ADGRL3: variants seen among roughly 807,000 people sequenced by gnomAD.
ADGRL3 encodes the protein calcium-independent alpha-latrotoxin receptor 3.
ADGRL3 carries 62 observed loss-of-function variants against 153.5 expected under a neutral mutation model. That is an observed-to-expected ratio of 0.40 (90% CI 0.33 to 0.50). ADGRL3 has a LOEUF of 0.50. ADGRL3 is among the 20% of genes least tolerant of loss of function. The pLI is 0.47. For synonymous variants in ADGRL3, 710 were observed against 672.5 expected (o/e 1.06, Z -0.86); for missense variants, 1,641 against 1,859.4 (o/e 0.88, Z 2.16).
chr4:61,776,013 G>C (rs975559884), intron 8 of ADGRL3, among the ~76,000 whole-genome samples: 1 of 152,046 alleles, frequency 6.6e-6, no homozygotes, highest in Non-Finnish European at 1.5e-5. Context: ...CCATTCTCCT[G>C]TCTCGGCCTC....
intron 2 of ADGRL3, among the ~76,000 whole-genome samples, chr4:61,432,879 C>G (rs193142314): frequency 1.3e-5 from 2 of 151,634 alleles, no homozygotes; most frequent in Non-Finnish European, 2.9e-5. Context: ...TCTTGAACTC[C>G]TGACCTCAGT....
intron 5 of ADGRL3, among the ~76,000 whole-genome samples, chr4:61,608,572 T>A (rs1435116134): frequency 6.6e-6 from 1 of 152,220 alleles, no homozygotes; most frequent in Non-Finnish European, 1.5e-5. Context: ...TATTTTATTA[T>A]TTATTTGGCT....
At chr4:61,340,901 C>A (rs1392794373) in intron 1 of ADGRL3, among the ~76,000 whole-genome samples, 1 of 151,600 alleles carries the variant, frequency 6.6e-6, no homozygotes, top group Non-Finnish European at 1.5e-5. Context: ...TTTTTCCATT[C>A]ATCATTCAAA....
chr4:61,288,822 G>T (rs187669927), intron 1 of ADGRL3, among the ~76,000 whole-genome samples: 115 of 152,030 alleles, frequency 7.6e-4, no homozygotes, highest in Non-Finnish European at 1.2e-3. Context: ...CTCTGGTTTA[G>T]TTCTTGAGCT....
intron 2 of ADGRL3, among the ~76,000 whole-genome samples, chr4:61,447,687 A>C (rs2152500907): frequency 6.6e-6 from 1 of 152,344 alleles, no homozygotes; most frequent in Admixed American, 6.5e-5. Context: ...CAATTTTTGT[A>C]TAATCTGTTT....
At chr4:61,551,917 C>T (rs28674005) in intron 4 of ADGRL3, among the ~76,000 whole-genome samples, 32,692 of 151,964 alleles carry the variant, frequency 0.22, 3,749 homozygotes, top group Non-Finnish European at 0.25. Flanking sequence ...TTGTATAAGA[C>T]GCTTGTGTGG....
At chr4:61,792,047 T>C (rs1195633060) in intron 8 of ADGRL3, among the ~76,000 whole-genome samples, 1 of 152,218 alleles carries the variant, frequency 6.6e-6, no homozygotes, top group East Asian at 1.9e-4. Flanking sequence ...GGGATTAACA[T>C]TCAGCTCCTC....
intron 1 of ADGRL3, among the ~76,000 whole-genome samples, chr4:61,261,293 A>G (rs2092497191): frequency 6.6e-6 from 1 of 150,854 alleles, no homozygotes; most frequent in Admixed American, 6.6e-5. Flanking sequence ...CAGCCACCCA[A>G]AGTTCTGGGA....
intron 8 of ADGRL3, among the ~76,000 whole-genome samples, chr4:61,744,161 G>T (rs2096621447): frequency 6.6e-6 from 1 of 152,130 alleles, no homozygotes; most frequent in Non-Finnish European, 1.5e-5. Context: ...GGCTGGGGGA[G>T]GGGCACCCAC....
At chr4:61,834,407 C>G (rs970608524) in intron 9 of ADGRL3, among the ~76,000 whole-genome samples, 1 of 152,022 alleles carries the variant, frequency 6.6e-6, no homozygotes, top group Admixed American at 6.6e-5. Context: ...GTGAATAGTG[C>G]CACAATAAAC....
At chr4:61,994,713 T>A (rs969403005) in intron 19 of ADGRL3, among the ~76,000 whole-genome samples, 1 of 152,094 alleles carries the variant, frequency 6.6e-6, no homozygotes, top group Non-Finnish European at 1.5e-5. Flanking sequence ...TCTACTCTTA[T>A]GTGAGAGGCA....
intron 4 of ADGRL3, 147 bp from the exon 5 acceptor site, chr4:61,587,080 A>G: frequency 2.1e-6 from 1 of 476,210 alleles, no homozygotes; most frequent in East Asian, 3.1e-5. Flanking sequence ...TGAAGAGAAA[A>G]ATATTCTAGT....
At chr4:61,646,857 C>G (rs1424914628) in intron 5 of ADGRL3, among the ~76,000 whole-genome samples, 2 of 152,206 alleles carry the variant, frequency 1.3e-5, no homozygotes, top group African/African-American at 4.8e-5. Context: ...TGGGCAATGG[C>G]GGGCGCCCCT....
At chr4:61,772,268 C>T (rs983238015) in intron 8 of ADGRL3, among the ~76,000 whole-genome samples, 40 of 152,140 alleles carry the variant, frequency 2.6e-4, no homozygotes, top group African/African-American at 9.4e-4. Context: ...CTGGCCACTG[C>T]AGGTAGAGAT....
At chr4:61,993,827 T>C (rs2099112379) in intron 19 of ADGRL3, among the ~76,000 whole-genome samples, 2 of 152,008 alleles carry the variant, frequency 1.3e-5, no homozygotes, top group Admixed American at 1.3e-4. Flanking sequence ...TATTTCAACC[T>C]TGAATTCTCT....
chr4:61,952,391 A>C (rs1435526654), intron 17 of ADGRL3, among the ~76,000 whole-genome samples: 5 of 150,016 alleles, frequency 3.3e-5, no homozygotes, highest in Non-Finnish European at 7.4e-5. Context: ...AGGTGGGAGG[A>C]TTGCTTGAGC....
At chr4:61,780,312 T>C (rs534036972) in intron 8 of ADGRL3, among the ~76,000 whole-genome samples, 5 of 152,326 alleles carry the variant, frequency 3.3e-5, no homozygotes, top group African/African-American at 1.2e-4. Context: ...TCACCTTGAA[T>C]AGCTGTAATC....
chr4:61,506,473 A>G (rs1412931612), intron 3 of ADGRL3, among the ~76,000 whole-genome samples: 2 of 152,004 alleles, frequency 1.3e-5, no homozygotes, highest in Non-Finnish European at 2.9e-5. Context: ...TATATTTAGG[A>G]CTCGCCCACT....
chr4:61,509,929 G>A (rs2098454169), intron 3 of ADGRL3, among the ~76,000 whole-genome samples: 1 of 152,012 alleles, frequency 6.6e-6, no homozygotes, highest in African/African-American at 2.4e-5. Context: ...GCCAACACCT[G>A]TTATTTTTTG....
Sources: gnomAD v4.1 joint callset for allele counts (sites outside exome capture counted in the v4.1 genomes callset) on GRCh38, gnomAD v4.1.1 for gene constraint, MANE v1.5 for transcripts, NCBI Gene and HGNC (gene_info 2026-07-23, HGNC 2026-07-21) for gene names.